GPR158: variants seen among roughly 807,000 people sequenced by gnomAD.
GPR158 encodes the protein G protein-coupled receptor 158, also known as metabotropic glycine receptor.
In GPR158, 30 loss-of-function variants were observed where a neutral mutation model predicts 78.2. The observed-to-expected ratio is 0.38, with a 90% CI of 0.29 to 0.52. The LOEUF (loss-of-function observed/expected upper bound fraction) is 0.52. GPR158 is among the 20% of genes least tolerant of loss of function. The probability of loss-of-function intolerance (pLI) is 0.83; values close to 1 mark genes in which losing one functional copy is unlikely to be tolerated. For missense variants in GPR158, 1,463 were observed against 1,523.5 expected (o/e 0.96, Z 0.66); for synonymous variants, 581 against 591.1 (o/e 0.98, Z 0.25).
intron 5 of GPR158, among the ~76,000 whole-genome samples, chr10:25,485,235 T>C (rs1835720296): frequency 6.6e-6 from 1 of 152,132 alleles, no homozygotes; most frequent in South Asian, 2.1e-4. Context: ...GCAAGTATTT[T>C]TTTTTAATGA....
chr10:25,562,162 A>C (rs994988312), intron 6 of GPR158, among the ~76,000 whole-genome samples: 3 of 151,776 alleles, frequency 2.0e-5, no homozygotes, highest in African/African-American at 7.3e-5. Flanking sequence ...AAATATCCCC[A>C]CTTTCATTCC....
intron 2 of GPR158, among the ~76,000 whole-genome samples, chr10:25,223,507 G>T (rs917629193): frequency 4.6e-5 from 7 of 152,192 alleles, no homozygotes; most frequent in Non-Finnish European, 8.8e-5. Context: ...CACATCCTCA[G>T]TGTAGTTACT....
chr10:25,435,754 C>A (rs1027368766), intron 4 of GPR158, among the ~76,000 whole-genome samples: 1 of 152,206 alleles, frequency 6.6e-6, no homozygotes, highest in African/African-American at 2.4e-5. Flanking sequence ...ACCAACTTTT[C>A]TAGCTGCACT....
intron 5 of GPR158, among the ~76,000 whole-genome samples, chr10:25,529,902 C>G (rs1383457861): frequency 6.6e-6 from 1 of 152,206 alleles, no homozygotes; most frequent in African/African-American, 2.4e-5. Context: ...TAACAACTGC[C>G]AAGCAACCAA....
intron 7 of GPR158, among the ~76,000 whole-genome samples, chr10:25,580,235 C>G (rs1245940441): frequency 6.6e-6 from 1 of 152,224 alleles, no homozygotes; most frequent in African/African-American, 2.4e-5. Flanking sequence ...GATTACTCCA[C>G]TGTTCAAAAG....
At chr10:25,193,885 TAAA>T (rs111919496) in intron 1 of GPR158, among the ~76,000 whole-genome samples, 15 of 115,632 alleles carry the variant, frequency 1.3e-4, no homozygotes, top group Admixed American at 3.5e-4. Context: ...GGTAAAGGGG[TAAA>T]AAAAAAAAAA....
At chr10:25,461,731 TTC>T (rs1835360532) in intron 4 of GPR158, among the ~76,000 whole-genome samples, 2 of 142,796 alleles carry the variant, frequency 1.4e-5, no homozygotes, top group African/African-American at 5.7e-5. Context: ...ATCTAGGACT[TTC>T]TTTTTTTTTT....
chr10:25,566,662 T>C (rs1836933159), intron 6 of GPR158, among the ~76,000 whole-genome samples: 1 of 152,234 alleles, frequency 6.6e-6, no homozygotes, highest in Non-Finnish European at 1.5e-5. Context: ...GAATTTTCTT[T>C]CTTGAAATAG....
chr10:25,491,267 CA>C (rs1408380892), intron 5 of GPR158, among the ~76,000 whole-genome samples: 1 of 152,068 alleles, frequency 6.6e-6, no homozygotes, highest in African/African-American at 2.4e-5. Context: ...GTTAAAGAGC[CA>C]TATGTCTAGG....
At position 25,241,133 on chromosome 10, in the gene GPR158, CTTTCTT is replaced by C. The variant is rs1231345713; in HGVS notation, c.1008+19978_1008+19983del. 8.6e-5 allele frequency among the ~76,000 whole-genome samples: 3 copies of C among 34,718 alleles called. No individual in the cohort carries two copies. The East Asian group carries it at 5.2e-3, about 60-fold the overall frequency. 22.8% of individuals were successfully genotyped at this position (34,718 alleles called of 152,430 possible). A position where few individuals can be genotyped will look rare whatever the true frequency, so the allele number is the denominator to read the frequency against. On this transcript the variant is annotated intron_variant, in intron 2 of 10. Transcript: ENST00000376351. ...TTGAATTTTTACTTTGATTTTCTTT[CTTTCTT>C]TCTTTCTTTCTTTCTTTCTTTCTTT...
intron 2 of GPR158, among the ~76,000 whole-genome samples, chr10:25,387,439 G>C (rs1773612): frequency 0.65 from 97,938 of 151,818 alleles, 32,556 homozygotes; most frequent in Non-Finnish European, 0.73. Context: ...TCTTTTCCAA[G>C]AGTATACTTA....
At position 25,325,320 on chromosome 10, in the gene GPR158, A is replaced by G. The variant is rs185747004; in HGVS notation, c.1009-70591A>G. On this transcript the variant is annotated intron_variant, in intron 2 of 10. Coordinates refer to ENST00000376351, the MANE Select transcript of GPR158 (RefSeq NM_020752.3). Reference sequence around the variant, plus strand: ...GTGTTTGTCTTTCTGGGCCTGGCTTATTTCACTTAGCATAATGTCCTCCAG... The same window carrying G: ...GTGTTTGTCTTTCTGGGCCTGGCTTGTTTCACTTAGCATAATGTCCTCCAG... Among the ~76,000 whole-genome samples the G allele has an allele frequency of 1.1e-4, 17 of 152,282 alleles. No individual in the cohort carries two copies. In the East Asian group the frequency reaches 2.1e-3, roughly 19 times the overall value.
intron 5 of GPR158, among the ~76,000 whole-genome samples, chr10:25,541,581 A>G (rs1007285073): frequency 2.7e-5 from 4 of 150,148 alleles, no homozygotes; most frequent in Admixed American, 2.0e-4. Context: ...TGTATGGTGT[A>G]AAGTAGAAAT....
intron 2 of GPR158, among the ~76,000 whole-genome samples, chr10:25,331,296 C>A (rs557535014): frequency 5.9e-5 from 9 of 152,296 alleles, no homozygotes; most frequent in Non-Finnish European, 1.2e-4. Flanking sequence ...GAGTAGAATA[C>A]TGCTTTCATA....
chr10:25,483,813 G>A (rs1209404678), intron 5 of GPR158, among the ~76,000 whole-genome samples: 1 of 152,048 alleles, frequency 6.6e-6, no homozygotes, highest in Admixed American at 6.6e-5. Context: ...TCTTTTTGAT[G>A]TTTTAAGTTA....
At chr10:25,422,858 C>CCA (rs946244005) in intron 4 of GPR158, among the ~76,000 whole-genome samples, 4 of 142,054 alleles carry the variant, frequency 2.8e-5, no homozygotes, top group African/African-American at 5.6e-5. Context: ...TTACCCCCCC[C>CCA]ACACTTTCCC....
rs895008522 is a variant in GPR158, at chr10:25,382,134, G to A, written c.1009-13777G>A. 5.3e-5 allele frequency among the ~76,000 whole-genome samples: 8 copies of A among 152,292 alleles called. No individual in the cohort carries two copies. In the South Asian group the frequency reaches 1.7e-3, roughly 32 times the overall value. On this transcript the variant is annotated intron_variant, in intron 2 of 10. Transcript: ENST00000376351. ...AGTTTGTGATTTAGTGGAGGGGAGT[G>A]TTTCATTATCTGAAAGTGTCGAACA...
chr10:25,402,525 C>G (rs1371907374), intron 3 of GPR158, among the ~76,000 whole-genome samples: 1 of 151,980 alleles, frequency 6.6e-6, no homozygotes, highest in Non-Finnish European at 1.5e-5. Context: ...ATAGGACATG[C>G]TAGCTGAAGT....
intron 1 of GPR158, among the ~76,000 whole-genome samples, chr10:25,207,460 G>A (rs1046815756): frequency 6.6e-6 from 1 of 152,132 alleles, no homozygotes. Flanking sequence ...GGGGAAGGGG[G>A]ATGGTTTCAG....
Sources: allele counts gnomAD v4.1 joint callset (sites outside exome capture counted in the v4.1 genomes callset), GRCh38; gene constraint gnomAD v4.1.1; transcripts MANE v1.5; gene names NCBI Gene and HGNC (gene_info 2026-07-23, HGNC 2026-07-21).